Variants in PPM1B observed in about 807,000 individuals in gnomAD.
The protein encoded by PPM1B is protein phosphatase 1B.
A neutral mutation model predicts 43.0 loss-of-function variants in PPM1B; 22 were observed. That is an observed-to-expected ratio of 0.51 (90% CI 0.37 to 0.73). The LOEUF is 0.73. Among genes scored for constraint, PPM1B ranks in the 30% least tolerant of loss-of-function variants. PPM1B has a pLI of 0.00. For missense variants in PPM1B, 632 were observed against 584.2 expected, an observed-to-expected ratio of 1.08 and a Z score of -0.84; for synonymous variants, 217 against 197.9, an observed-to-expected ratio of 1.10 and a Z score of -0.81.
At chr2:44,245,665 T>C (rs1670841518), downstream of PPM1B, among the ~76,000 whole-genome samples, 2 of 152,324 alleles carry the variant, frequency 1.3e-5, no homozygotes, top group Admixed American at 6.5e-5. Context: ...AACTTCTCCT[T>C]TGTTGTCCTG....
At chr2:44,171,777 C>T (rs369144583) in intron 1 of PPM1B, among the ~76,000 whole-genome samples, 215 of 148,860 alleles carry the variant, frequency 1.4e-3, no homozygotes, top group African/African-American at 5.1e-3. Flanking sequence ...TTGCAGTGAG[C>T]CGAGATTGTG....
At chr2:44,194,450 G>A (rs185587659) in intron 1 of PPM1B, among the ~76,000 whole-genome samples, 2 of 150,614 alleles carry the variant, frequency 1.3e-5, no homozygotes, top group South Asian at 2.1e-4. Flanking sequence ...CAGGCCGGGC[G>A]TGTTGGCTCA....
intron 3 of PPM1B, among the ~76,000 whole-genome samples, chr2:44,213,453 G>C (rs927002317): frequency 6.6e-6 from 1 of 151,070 alleles, no homozygotes; most frequent in Non-Finnish European, 1.5e-5. Flanking sequence ...TGTTGAATTT[G>C]GTCATTTTGT....
intron 1 of PPM1B, among the ~76,000 whole-genome samples, chr2:44,175,642 A>G (rs1458343605): frequency 6.6e-6 from 1 of 152,196 alleles, no homozygotes; most frequent in Non-Finnish European, 1.5e-5. Context: ...TGTGTTTTGT[A>G]CACTAAACTT....
At chr2:44,214,637 C>T (rs1234328642) in intron 3 of PPM1B, among the ~76,000 whole-genome samples, 4 of 152,042 alleles carry the variant, frequency 2.6e-5, no homozygotes, top group African/African-American at 9.7e-5. Flanking sequence ...GAAGCATCAA[C>T]ATAAGGGGTT....
intron 1 of PPM1B, among the ~76,000 whole-genome samples, chr2:44,184,399 AT>A (rs1277447326): frequency 1.3e-5 from 2 of 151,636 alleles, no homozygotes; most frequent in African/African-American, 2.4e-5. Context: ...TTTTTACTGC[AT>A]TTTTTTTCGT....
At position 44,213,855 on chromosome 2, in the gene PPM1B, AATTGTAGT is replaced by A. The variant is rs1669597282; in HGVS notation, c.965-4109_965-4102del. On this transcript the variant is annotated intron_variant, in intron 3 of 5. Transcript: ENST00000282412. The stretch of plus-strand genomic sequence containing the variant: ...TTATAGGAGTTAATATTTAATGATA[AATTGTAGT>A]ATATTGGGGTTGCAGATTGCTGACT... The A allele has an allele frequency of 2.6e-5, 4 of 152,274 alleles. No homozygotes were observed. The South Asian group carries it at 8.3e-4, about 32-fold the overall frequency. 9.4% of individuals were successfully genotyped at this position (152,274 alleles called of 1,614,324 possible).
At chr2:44,188,870 G>A (rs1668267636) in intron 1 of PPM1B, among the ~76,000 whole-genome samples, 1 of 137,070 alleles carries the variant, frequency 7.3e-6, no homozygotes, top group African/African-American at 2.7e-5. Context: ...GGATCACATA[G>A]CAACAGAGGA....
chr2:44,215,429 G>A (rs1669675549), intron 3 of PPM1B, among the ~76,000 whole-genome samples: 1 of 151,908 alleles, frequency 6.6e-6, no homozygotes, highest in Admixed American at 6.6e-5. Flanking sequence ...CTGCACTCCA[G>A]CCTGGGCCAC....
At chr2:44,195,353 G>A (rs569775223) in intron 1 of PPM1B, among the ~76,000 whole-genome samples, 23 of 152,138 alleles carry the variant, frequency 1.5e-4, no homozygotes, top group Non-Finnish European at 2.8e-4. Flanking sequence ...GCAGGCATAC[G>A]CCACCATGCT....
chr2:44,206,781 C>CA (rs1558413221), intron 2 of PPM1B, among the ~76,000 whole-genome samples: 1 of 152,076 alleles, frequency 6.6e-6, no homozygotes, highest in East Asian at 1.9e-4. Flanking sequence ...GGGCTAGTCT[C>CA]AAACTCCTGG....
chr2:44,199,646 C>G (rs1161682422), intron 1 of PPM1B, among the ~76,000 whole-genome samples: 3 of 152,068 alleles, frequency 2.0e-5, no homozygotes, highest in Admixed American at 1.3e-4. Context: ...GAGAATTAAA[C>G]CAGCATGTTC....
intron 3 of PPM1B, among the ~76,000 whole-genome samples, chr2:44,215,396 T>C (rs1052261695): frequency 6.6e-6 from 1 of 152,016 alleles, no homozygotes; most frequent in Admixed American, 6.6e-5. Flanking sequence ...AGTTTGGTGT[T>C]ACAGTGAGCT....
intron 3 of PPM1B, among the ~76,000 whole-genome samples, chr2:44,216,357 C>G (rs569197418): frequency 6.6e-6 from 1 of 152,026 alleles, no homozygotes; most frequent in Non-Finnish European, 1.5e-5. Context: ...GGACAGCCCC[C>G]ACAACAAAAA....
At chr2:44,208,055 A>G (rs918261551) in intron 2 of PPM1B, among the ~76,000 whole-genome samples, 6 of 151,314 alleles carry the variant, frequency 4.0e-5, no homozygotes, top group African/African-American at 1.5e-4. Flanking sequence ...CGCCTGGATA[A>G]TTTTTGTATA....
chr2:44,220,797 A>G (rs1669945419), intron 5 of PPM1B, among the ~76,000 whole-genome samples: 3 of 152,342 alleles, frequency 2.0e-5, no homozygotes, highest in South Asian at 2.1e-4. Flanking sequence ...AAGCAGGGGG[A>G]AAGTCAGCTT....
At chr2:44,243,739 A>G (rs1670799233) in intron 5 of PPM1B, among the ~76,000 whole-genome samples, 1 of 152,172 alleles carries the variant, frequency 6.6e-6, no homozygotes, top group Admixed American at 6.5e-5. Context: ...CTTAATTATC[A>G]TAGTTTTACT....
downstream of PPM1B, chr2:44,233,225 G>C: frequency 1.1e-6 from 1 of 908,598 alleles, no homozygotes; most frequent in Non-Finnish European, 1.3e-6. Context: ...AATCATTTAT[G>C]TTATTTTAAA....
chr2:44,201,462 C>G lies in PPM1B; in HGVS notation c.263C>G (p.Ala88Gly). The change falls in exon 2 of 6, where the codon GCT becomes GGT. Residue 88 changes from alanine (A) to glycine (G), a missense_variant. Physicochemically the swap from Ala to Gly is moderately conservative, Grantham distance 60. This residue lies in a region of PPM1B where 200 missense variants were observed against 200.7 expected (regional missense o/e 1.00). Transcript: ENST00000282412. The surrounding 1 kb of genome is among the most constrained non-coding windows in gnomAD (Gnocchi z 5.4). ...ACTACTAACGAAGACTTTAGGGCAG[C>G]TGGAAAATCAGGATCTGCTCTTGAG... Reference protein sequence around the residue: ...HITTNEDFRAAGKSGSALELS... With the variant: ...HITTNEDFRAGGKSGSALELS... 1 of 1,614,166 alleles carries G rather than the reference C, an allele frequency of 6.2e-7. No homozygotes were observed. The highest frequency in any genetic ancestry group is 8.5e-7 in the Non-Finnish European group (1 of 1,180,020).
Sources: gnomAD v4.1 joint callset for allele counts (sites outside exome capture counted in the v4.1 genomes callset) on GRCh38, gnomAD v4.1.1 for gene constraint, gnomAD v4.1.1 regional missense constraint, Gnocchi (gnomAD v3.1) non-coding constraint, MANE v1.5 for transcripts, NCBI Gene and HGNC (gene_info 2026-07-23, HGNC 2026-07-21) for gene names.